The following ZNF599 variants were observed in gnomAD, a reference collection of about 807,000 sequenced individuals.
The protein encoded by ZNF599 is zinc finger protein 599.
ZNF599 carries 10 observed loss-of-function variants against 11.7 expected under a neutral mutation model. The observed-to-expected ratio is 0.86, with a 90% confidence interval of 0.53 to 1.45. ZNF599 has a LOEUF of 1.45. ZNF599 is among the 40% of genes most tolerant of loss of function. The pLI, the probability that ZNF599 is intolerant of heterozygous loss-of-function variation, is 0.00. For missense variants in ZNF599, 688 were observed against 713.6 expected (o/e 0.96, Z 0.41); for synonymous variants, 232 against 253.2 (o/e 0.92, Z 0.79).
intron 1 of ZNF599, among the ~76,000 whole-genome samples, chr19:34,770,946 A>C (rs1166540277): frequency 6.6e-6 from 1 of 152,140 alleles, no homozygotes; most frequent in African/African-American, 2.4e-5. Flanking sequence ...TGTCGCCCCC[A>C]GGGATCTCCA....
chr19:34,799,720 C>G, the ZNF599 span, among the ~76,000 whole-genome samples: 458 of 152,324 alleles, frequency 3.0e-3, 13 homozygotes, highest in East Asian at 0.081. Flanking sequence ...GAGGCCTCCC[C>G]TTTTCCTTTC....
chr19:34,798,391 G>A, the ZNF599 span, among the ~76,000 whole-genome samples: 161 of 152,256 alleles, frequency 1.1e-3, 1 homozygote, highest in East Asian at 0.021. Flanking sequence ...ACTTAAACAT[G>A]TATTCTTACT....
chr19:34,769,587 G>A (rs2069169154), intron 1 of ZNF599, 32 bp from the exon 2 acceptor site: 3 of 1,604,456 alleles, frequency 1.9e-6, no homozygotes, highest in Non-Finnish European at 2.6e-6. Flanking sequence ...ACAGGTGGCT[G>A]TGGAGCTATT....
the ZNF599 span, among the ~76,000 whole-genome samples, chr19:34,802,023 C>T: frequency 2.4e-4 from 36 of 152,330 alleles, no homozygotes; most frequent in Non-Finnish European, 4.7e-4. Flanking sequence ...GGGGCTCTGA[C>T]CTGTGACAAT....
chr19:34,796,367 G>C, the ZNF599 span, among the ~76,000 whole-genome samples: 1 of 150,578 alleles, frequency 6.6e-6, no homozygotes, highest in Non-Finnish European at 1.5e-5. Context: ...ATGGAGTGCA[G>C]AGGTGCAATC....
chr19:34,806,781 C>T, the ZNF599 span, among the ~76,000 whole-genome samples: 1 of 152,138 alleles, frequency 6.6e-6, no homozygotes, highest in Non-Finnish European at 1.5e-5. Context: ...CTCCAAACCG[C>T]TTTGTCTTCC....
intron 2 of ZNF599, 28 bp from the exon 3 acceptor site, chr19:34,767,439 G>T: frequency 6.4e-7 from 1 of 1,567,928 alleles, no homozygotes; most frequent in Non-Finnish European, 8.8e-7. Flanking sequence ...AATGGAGTAT[G>T]GTGTACAGGG....
At chr19:34,781,856 T>C in the ZNF599 span, among the ~76,000 whole-genome samples, 286 of 152,276 alleles carry the variant, frequency 1.9e-3, no homozygotes, top group African/African-American at 6.5e-3. Flanking sequence ...AATTGTAGGC[T>C]AATGTTGGAG....
rs950306912 is a variant in ZNF599, at chr19:34,759,248, T to G, written c.1553A>C (p.Gln518Pro). ...VCRECGKAFT[Q>P]PANFVRHNRI... is the part of the protein sequence containing the mutation. ...ATTATGCCGAACAAAATTTGCAGGT[T>G]GGGTAAAAGCCTTTCCACATTCTCT... The change falls in exon 4 of 4, where the codon CAA becomes CCA. Residue 518 changes from glutamine to proline, a missense_variant. Gln to Pro is a moderately conservative substitution (Grantham distance 76). Transcript: ENST00000329285. 7 of 1,614,114 alleles carry G rather than the reference T, an allele frequency of 4.3e-6. No individual in the cohort carries two copies. The African/African-American group carries it at 8.0e-5, about 18-fold the overall frequency.
At chr19:34,765,536 A>G (rs1045485821) in intron 3 of ZNF599, 18 of 702,324 alleles carry the variant, frequency 2.6e-5, no homozygotes, top group Admixed American at 1.4e-4. Flanking sequence ...ACATATTAAT[A>G]GTAGATGGCT....
In ZNF599 at chr19:34,772,708, TA is replaced by T. The variant is rs1429873664; in HGVS notation, c.18+115del. 6.6e-6 allele frequency: 10 copies of T among 1,514,872 alleles called. No homozygotes were observed. In the Admixed American group the frequency reaches 2.0e-4, roughly 31 times the overall value. The allele number at this position is 1,514,872 out of a possible 1,614,324, so 93.8% of individuals were successfully genotyped here. Reference sequence around the variant, plus strand: ...ACCTCACCCTCTCCCGGGATCTCCATAACCTAGGGCATCAAAAGGGAGAAGC... The same window carrying T: ...ACCTCACCCTCTCCCGGGATCTCCATACCTAGGGCATCAAAAGGGAGAAGC... On this transcript the variant is annotated intron_variant, in intron 1 of 3. Transcript: ENST00000329285.
the ZNF599 span, among the ~76,000 whole-genome samples, chr19:34,805,464 A>G: frequency 6.6e-6 from 1 of 151,988 alleles, no homozygotes; most frequent in Non-Finnish European, 1.5e-5. Context: ...CCAAAGTTCT[A>G]GGACTACAGG....
intron 3 of ZNF599, chr19:34,766,914 C>G (rs2069147455): frequency 1.2e-5 from 2 of 167,222 alleles, no homozygotes; most frequent in African/African-American, 4.8e-5. Flanking sequence ...CACAGCTTTC[C>G]TGCTGACCCA....
chr19:34,765,996 G>A (rs2069140043), intron 3 of ZNF599, among the ~76,000 whole-genome samples: 1 of 152,136 alleles, frequency 6.6e-6, no homozygotes, highest in Non-Finnish European at 1.5e-5. Flanking sequence ...GTATGAGGGA[G>A]ATGGAGGTGT....
At chr19:34,804,820 C>G in the ZNF599 span, among the ~76,000 whole-genome samples, 1 of 152,182 alleles carries the variant, frequency 6.6e-6, no homozygotes, top group Non-Finnish European at 1.5e-5. Context: ...CCAAGTCTGC[C>G]TTTCTTCATG....
chr19:34,775,509 C>T (rs1189697630), upstream of ZNF599, among the ~76,000 whole-genome samples: 5 of 152,052 alleles, frequency 3.3e-5, no homozygotes, highest in South Asian at 2.1e-4. Context: ...GTGGGACAGC[C>T]GATTGATATC....
At chr19:34,766,035 C>T (rs934327327) in intron 3 of ZNF599, among the ~76,000 whole-genome samples, 5 of 152,152 alleles carry the variant, frequency 3.3e-5, no homozygotes, top group Non-Finnish European at 7.3e-5. Flanking sequence ...TGTTTTTAGC[C>T]TTCTCCACTC....
the ZNF599 span, among the ~76,000 whole-genome samples, chr19:34,791,520 T>C: frequency 6.6e-6 from 1 of 152,216 alleles, no homozygotes; most frequent in African/African-American, 2.4e-5. Context: ...ATAGCCAGCA[T>C]TAACTTAGCC....
chr19:34,777,573 A>G (rs2069227907), upstream of ZNF599, among the ~76,000 whole-genome samples: 1 of 128,076 alleles, frequency 7.8e-6, no homozygotes, highest in Non-Finnish European at 1.6e-5. Flanking sequence ...GTATAAATAT[A>G]TATTTATATA....
Sources: allele counts gnomAD v4.1 joint callset (sites outside exome capture counted in the v4.1 genomes callset), GRCh38; gene constraint gnomAD v4.1.1; transcripts MANE v1.5; gene names NCBI Gene and HGNC (gene_info 2026-07-23, HGNC 2026-07-21).